RPAP1: variants seen among roughly 807,000 people sequenced by gnomAD.
RPAP1 encodes RNA polymerase II associated protein 1, also known as RNA polymerase II-associated protein 1.
Under a neutral mutation model 142.4 loss-of-function variants are expected in RPAP1, and 109 were observed. That is an observed-to-expected ratio of 0.77 (90% CI 0.66 to 0.90). The LOEUF is 0.90. RPAP1 is among the 40% of genes least tolerant of loss of function. RPAP1 has a pLI of 0.00. For missense variants in RPAP1, 1,546 were observed against 1,751.7 expected (o/e 0.88, Z 2.10); for synonymous variants, 704 against 738.9 (o/e 0.95, Z 0.77).
intron 17 of RPAP1, 137 bp downstream of exon 17, chr15:41,523,634 A>G: frequency 1.2e-6 from 1 of 831,166 alleles, no homozygotes. Context: ...AAAGAGGAGG[A>G]AGGGTAGGAA....
rs1204439904 is a variant in RPAP1 at position 41,527,455 on chromosome 15, G to A, written c.1579C>T (p.Pro527Ser). 1 of 1,614,122 alleles carries A rather than the reference G, an allele frequency of 6.2e-7. No individual in the cohort carries two copies. Among genetic ancestry groups the A allele is most frequent in the Non-Finnish European group, 8.5e-7 (1 of 1,180,052 alleles). ...RKSPEEESRP[P>S]PDLARHDVIK... ...ACATCATGTCGGGCCAGGTCAGGTG[G>A]AGGCCGGCTTTCTTCTTCAGGGCTT... The change falls in exon 12 of 25, where the codon CCA becomes TCA. Residue 527 changes from proline (P) to serine (S), a missense_variant. Around this residue, in one of 3 missense-constraint regions of RPAP1, gnomAD observed 1,333 missense variants for 1,486.6 expected, o/e 0.90. Transcript: ENST00000304330.
rs566054265 is a variant in RPAP1, at chr15:41,535,446, C to T, written c.541+66G>A. ...CATTTGAGGCAGGAAGACATATCTT[C>T]AAAAATGACCCTATGATTGTGTCTT... On this transcript the variant is annotated intron_variant, in intron 5 of 24. Transcript: ENST00000304330. 1.7e-4 allele frequency: 254 copies of T among 1,525,080 alleles called. 1 individual carries two copies. In the African/African-American group the frequency reaches 3.2e-3, roughly 19 times the overall value. The allele number at this position is 1,525,080 out of a possible 1,614,324, so 94.5% of individuals were successfully genotyped here.
At chr15:41,523,042 G>T in intron 18 of RPAP1, 82 bp from the exon 19 acceptor site, 1 of 1,215,310 alleles carries the variant, frequency 8.2e-7, no homozygotes, top group Non-Finnish European at 1.1e-6. Context: ...CTGTACCTAA[G>T]ACTAACGGGG....
chr15:41,527,770 G>A (rs11858969), intron 11 of RPAP1, 90 bp downstream of exon 11: 90,288 of 1,536,448 alleles, frequency 0.059, 4,260 homozygotes, highest in East Asian at 0.3. Context: ...CATCTTGCCC[G>A]CAAAGCCTTA....
At position 41,526,323 on chromosome 15, in the gene RPAP1, C is replaced by T. The variant is rs546215900; in HGVS notation, c.1917+575G>A. Reference sequence around the variant, plus strand: ...TGCAGTGATTGGTGCAACCAGCCCACTGCAGCCTCCACCTCCCAGCTCAAG... The same window carrying T: ...TGCAGTGATTGGTGCAACCAGCCCATTGCAGCCTCCACCTCCCAGCTCAAG... On this transcript the variant is annotated intron_variant, in intron 14 of 24. Transcript: ENST00000304330. 3.3e-5 allele frequency among the ~76,000 whole-genome samples: 5 copies of T among 152,360 alleles called. No homozygotes were observed. In the East Asian group the frequency reaches 9.6e-4, roughly 29 times the overall value.
rs112872456 is a variant in RPAP1, at chr15:41,525,829, T to C, written c.1918-681A>G. On this transcript the variant is annotated intron_variant, in intron 14 of 24. Transcript: ENST00000304330. ...GCCACCACGCCTGGCTAATTTTTTG[T>C]ATTTTTAGTAGAGACAGGGTTTCAC... Among the ~76,000 whole-genome samples, 971 of 152,068 alleles carry C rather than the reference T, an allele frequency of 6.4e-3. 8 individuals carry two copies. Among genetic ancestry groups the C allele is most frequent in the African/African-American group, 0.023 (940 of 41,470 alleles).
At chr15:41,523,211 C>G in intron 18 of RPAP1, 34 bp downstream of exon 18, 1 of 1,414,942 alleles carries the variant, frequency 7.1e-7, no homozygotes, top group Non-Finnish European at 9.7e-7. Context: ...TGCCTCCTCC[C>G]CTGCTTCCCC....
At chr15:41,528,895 G>A (rs1252266932) in intron 9 of RPAP1, among the ~76,000 whole-genome samples, 2 of 152,300 alleles carry the variant, frequency 1.3e-5, no homozygotes, top group South Asian at 2.1e-4. Context: ...CAGCAGCCCC[G>A]AGAGACATGG....
At chr15:41,532,597 T>C (rs73409128) in intron 6 of RPAP1, among the ~76,000 whole-genome samples, 1,653 of 152,254 alleles carry the variant, frequency 0.011, 26 homozygotes, top group African/African-American at 0.038. Context: ...GAAGAGACTA[T>C]ACATATACTA....
At chr15:41,535,394 T>G in intron 5 of RPAP1, 118 bp downstream of exon 5, 2 of 1,384,704 alleles carry the variant, frequency 1.4e-6, no homozygotes, top group South Asian at 2.8e-5. Context: ...ATTCTCAGAC[T>G]ACTTGAGATG....
intron 6 of RPAP1, among the ~76,000 whole-genome samples, chr15:41,534,420 C>T (rs8039933): frequency 6.8e-6 from 1 of 146,192 alleles, no homozygotes; most frequent in Non-Finnish European, 1.5e-5. Context: ...CTCTGTCCCC[C>T]CAAAAAAAAA....
intron 19 of RPAP1, chr15:41,522,497 T>C: frequency 1.8e-6 from 1 of 567,316 alleles, no homozygotes; most frequent in Non-Finnish European, 3.1e-6. Context: ...TTCAAGTGAT[T>C]CTCCTGCCTC....
intron 2 of RPAP1, 39 bp downstream of exon 2, chr15:41,536,906 C>T: frequency 6.2e-7 from 1 of 1,600,280 alleles, no homozygotes; most frequent in Non-Finnish European, 8.5e-7. Context: ...CGAGGCTGTA[C>T]CCTCTCTACT....
chr15:41,524,319 T>C (rs1330748421), intron 15 of RPAP1, 65 bp from the exon 16 acceptor site: 2 of 1,414,854 alleles, frequency 1.4e-6, no homozygotes, highest in East Asian at 2.3e-5. Context: ...ACACAGGTCA[T>C]GGCCCTGACC....
rs375669977 is a variant in RPAP1, at chr15:41,536,595, G to A, written c.236C>T (p.Pro79Leu). The change falls in exon 3 of 25, where the codon CCC (proline) becomes CTC (leucine). Residue 79 changes from proline (P) to leucine (L), a missense_variant. By Grantham distance (98) the Pro-to-Leu change is moderately conservative. This residue lies in a region of RPAP1 where 1,333 missense variants were observed against 1,486.6 expected (regional missense o/e 0.90). Coordinates refer to ENST00000304330, the MANE Select transcript of RPAP1 (RefSeq NM_015540.4). ...LVPSPPKRAR[P>L]SPGHCLPEDE... is the part of the protein sequence containing the mutation. ...CTCAGGCAGGCAGTGGCCAGGGCTG[G>A]GCCTGGCTCTCTTTGGAGGAGAAGG... is the stretch of plus-strand genomic sequence containing the variant. 154 of 1,613,964 alleles carry A rather than the reference G, an allele frequency of 9.5e-5. No homozygotes were observed. The highest frequency in any genetic ancestry group is 4.3e-4 in the Admixed American group (26 of 60,000).
Position 41,517,563 on chromosome 15 carries a change from T to G in RPAP1, c.4161A>C (p.Gln1387His). ...TATCCTAGGTCTCTGATACCCCATTTTGGAGCACTGTTGAAGTCAGTCTCT... is the reference window on the plus strand; with the variant it reads ...TATCCTAGGTCTCTGATACCCCATTGTGGAGCACTGTTGAAGTCAGTCTCT... The part of the protein sequence containing the change: ...YLQRLTSTVL[Q>H]NGVSET Residue 1387 changes from glutamine (Q) to histidine (H), a missense_variant, in exon 25 of 25, where the codon CAA becomes CAC. Gln to His is a conservative substitution (Grantham distance 24). Around this residue, in one of 3 missense-constraint regions of RPAP1, gnomAD observed 210 missense variants for 248.0 expected, o/e 0.85. Coordinates refer to ENST00000304330, the MANE Select transcript of RPAP1 (RefSeq NM_015540.4). 6.3e-7 allele frequency: 1 copy of G among 1,576,634 alleles called. No homozygotes were observed. The highest frequency in any genetic ancestry group is 8.6e-7 in the Non-Finnish European group (1 of 1,161,670).
chr15:41,521,840 T>C lies in RPAP1; in HGVS notation c.2936A>G (p.Tyr979Cys), dbSNP rs376308468. ...QPLPATHAAL[Y>C]HGMALALLSR... ...CAGCAGGGCCAAGGCCATACCATGA[T>C]AGAGGGCAGCATGGGTGGCTGGCAG... The change falls in exon 21 of 25, where the codon TAT (tyrosine) becomes TGT (cysteine). Residue 979 changes from tyrosine to cysteine, a missense_variant. Coordinates refer to ENST00000304330, the MANE Select transcript of RPAP1 (RefSeq NM_015540.4). 20 of 1,613,940 alleles carry C rather than the reference T, an allele frequency of 1.2e-5. No individual in the cohort carries two copies. The African/African-American group carries it at 1.6e-4, about 13-fold the overall frequency.
At chr15:41,523,429 G>T in intron 17 of RPAP1, 75 bp from the exon 18 acceptor site, 2 of 977,072 alleles carry the variant, frequency 2.0e-6, no homozygotes, top group Non-Finnish European at 3.1e-6. Context: ...CCAGGCCAAT[G>T]CCACCATCCC....
chr15:41,524,291 A>G, intron 15 of RPAP1, 37 bp from the exon 16 acceptor site: 1 of 1,497,152 alleles, frequency 6.7e-7, no homozygotes, highest in Non-Finnish European at 8.9e-7. Flanking sequence ...ACTGTATGAA[A>G]GCAAGTGGAG....
Sources: gnomAD v4.1 joint callset for allele counts (sites outside exome capture counted in the v4.1 genomes callset) on GRCh38, gnomAD v4.1.1 for gene constraint, gnomAD v4.1.1 regional missense constraint, MANE v1.5 for transcripts, NCBI Gene and HGNC (gene_info 2026-07-23, HGNC 2026-07-21) for gene names.